The following ST7 variants were observed in gnomAD, a reference collection of about 807,000 sequenced individuals.
ST7 encodes the protein suppressor of tumorigenicity 7 protein.
In ST7, 28 loss-of-function variants were observed where a neutral mutation model predicts 78.7. The ratio of observed to expected loss-of-function variants is 0.36; its 90% CI spans 0.26 to 0.49. ST7 has a LOEUF of 0.49. ST7 is among the 20% of genes least tolerant of loss of function. The pLI, the probability that ST7 is intolerant of heterozygous loss-of-function variation, is 0.99. For synonymous variants in ST7, 247 were observed against 249.6 expected (o/e 0.99, Z 0.10); for missense variants, 418 against 696.0 (o/e 0.60, Z 4.49).
At chr7:116,987,631 A>G (rs1446246550) in intron 1 of ST7, among the ~76,000 whole-genome samples, 1 of 152,198 alleles carries the variant, frequency 6.6e-6, no homozygotes, top group Non-Finnish European at 1.5e-5. Flanking sequence ...TGGCTTAGAT[A>G]CCTCAAAGGA....
chr7:116,971,236 A>G (rs563503018), intron 1 of ST7, among the ~76,000 whole-genome samples: 106 of 152,348 alleles, frequency 7.0e-4, no homozygotes, highest in Non-Finnish European at 1.3e-3. Context: ...TTTGTACATA[A>G]GCTATTCAAG....
intron 12 of ST7, chr7:117,198,350 A>G: frequency 2.2e-6 from 1 of 456,306 alleles, no homozygotes; most frequent in Non-Finnish European, 4.4e-6. Context: ...GCCTAGAAAC[A>G]TGCATTAACA....
At chr7:117,089,574 G>GTTTT (rs1363196802) in intron 1 of ST7, among the ~76,000 whole-genome samples, 2 of 136,730 alleles carry the variant, frequency 1.5e-5, no homozygotes, top group Non-Finnish European at 1.6e-5. Context: ...TTGTTTTTTT[G>GTTTT]TTTTTTTTTT....
intron 12 of ST7, among the ~76,000 whole-genome samples, chr7:117,208,785 C>T (rs1052649193): frequency 2.0e-5 from 3 of 152,164 alleles, no homozygotes; most frequent in Non-Finnish European, 2.9e-5. Flanking sequence ...CCTTTTTAAG[C>T]GCTTGATCTT....
intron 3 of ST7, among the ~76,000 whole-genome samples, chr7:117,127,991 ATGTATT>A (rs1803999393): frequency 6.6e-6 from 1 of 151,876 alleles, no homozygotes; most frequent in Admixed American, 6.6e-5. Context: ...TAGTATGATG[ATGTATT>A]TGTTGGAGAC....
chr7:117,042,013 G>T lies in ST7; in HGVS notation c.152-57749G>T, dbSNP rs541412726. Among the ~76,000 whole-genome samples the T allele has an allele frequency of 3.3e-5, 5 of 152,326 alleles. No homozygotes were observed. The South Asian group carries it at 1.0e-3, about 32-fold the overall frequency. On this transcript the variant is annotated intron_variant, in intron 1 of 15. Transcript: ENST00000323984. ...CCTTTGCTGGGTTTGAAGATGGAGA[G>T]AGAGGGCCACAAGCCAAGGAATGTG...
intron 3 of ST7, among the ~76,000 whole-genome samples, chr7:117,126,518 T>C (rs1048776727): frequency 6.6e-6 from 1 of 151,956 alleles, no homozygotes; most frequent in Non-Finnish European, 1.5e-5. Flanking sequence ...CAAGGCTAAA[T>C]GTTCCTCTAA....
intron 1 of ST7, among the ~76,000 whole-genome samples, chr7:116,990,642 C>G (rs1240143124): frequency 6.6e-6 from 1 of 152,164 alleles, no homozygotes; most frequent in Non-Finnish European, 1.5e-5. Context: ...TACCCATACT[C>G]TTTTCAGGTT....
chr7:116,996,791 G>A (rs1007589441), intron 1 of ST7, among the ~76,000 whole-genome samples: 1 of 152,160 alleles, frequency 6.6e-6, no homozygotes, highest in Non-Finnish European at 1.5e-5. Context: ...ACACTTTCTA[G>A]TATACAACTG....
intron 9 of ST7, among the ~76,000 whole-genome samples, chr7:117,142,098 A>G (rs1182712458): frequency 1.3e-5 from 2 of 152,154 alleles, no homozygotes; most frequent in African/African-American, 4.8e-5. Context: ...AACATTTAAT[A>G]TACGATACAA....
At chr7:117,100,985 CAT>C (rs1249944822) in intron 2 of ST7, among the ~76,000 whole-genome samples, 2 of 152,180 alleles carry the variant, frequency 1.3e-5, no homozygotes, top group Admixed American at 6.5e-5. Context: ...AGGGTGCAAA[CAT>C]GTGGAGCAAA....
In ST7 at chr7:117,084,811, T is replaced by C. The variant is rs140496244; in HGVS notation, c.152-14951T>C. ...TTTCAACCATTACAAATTGTGATTA[T>C]ATAAAAGTTTTAAAAATTTCTCAGG... On this transcript the variant is annotated intron_variant, in intron 1 of 15. Coordinates refer to ENST00000323984, the MANE Select transcript of ST7 (RefSeq NM_001369598.1). Among the ~76,000 whole-genome samples the C allele has an allele frequency of 2.5e-4, 38 of 152,334 alleles. No homozygotes were observed. In the East Asian group the frequency reaches 4.8e-3, roughly 19 times the overall value.
intron 10 of ST7, among the ~76,000 whole-genome samples, chr7:117,184,594 T>G (rs966641186): frequency 2.6e-5 from 4 of 152,040 alleles, no homozygotes; most frequent in African/African-American, 9.7e-5. Context: ...ACAGAACAGA[T>G]TAGTGATCAC....
In ST7 at chr7:117,206,449, A is replaced by C. The variant is rs13231027; in HGVS notation, c.1255-3338A>C. 3.8e-3 allele frequency among the ~76,000 whole-genome samples: 586 copies of C among 152,322 alleles called. 3 individuals are homozygous for C. Among genetic ancestry groups the C allele is most frequent in the Non-Finnish European group, 5.5e-3 (377 of 68,024 alleles). ...ATGATTTAGCAGAGGAACAAGATACACAATAACTAATATAAGGTGGCGTGT... is the reference window on the plus strand; with the variant it reads ...ATGATTTAGCAGAGGAACAAGATACCCAATAACTAATATAAGGTGGCGTGT... On this transcript the variant is annotated intron_variant, in intron 12 of 15. Coordinates refer to ENST00000323984, the MANE Select transcript of ST7 (RefSeq NM_001369598.1).
intron 1 of ST7, among the ~76,000 whole-genome samples, chr7:117,080,592 C>T (rs934123546): frequency 2.6e-5 from 4 of 151,976 alleles, no homozygotes; most frequent in African/African-American, 4.8e-5. Flanking sequence ...TAAATTCCCA[C>T]GTGTGTAGTG....
chr7:117,067,082 C>T (rs12706140), intron 1 of ST7, among the ~76,000 whole-genome samples: 19,496 of 151,968 alleles, frequency 0.13, 1,612 homozygotes, highest in South Asian at 0.23. Context: ...ATCAGTGCTC[C>T]GTTGCTATTA....
chr7:117,133,956 A>G (rs142430902), intron 6 of ST7, among the ~76,000 whole-genome samples, 168 bp from the exon 7 acceptor site: 30 of 151,484 alleles, frequency 2.0e-4, no homozygotes, highest in African/African-American at 7.3e-4. Flanking sequence ...CTCTTAAACC[A>G]TTTTTCCTTC....
At chr7:116,965,617 C>T (rs1793071157) in intron 1 of ST7, among the ~76,000 whole-genome samples, 1 of 152,050 alleles carries the variant, frequency 6.6e-6, no homozygotes, top group Non-Finnish European at 1.5e-5. Context: ...ATGTTTTGTA[C>T]ACTGTTTTTT....
chr7:116,961,875 T>C (rs1792851025), intron 1 of ST7, among the ~76,000 whole-genome samples: 1 of 151,934 alleles, frequency 6.6e-6, no homozygotes, highest in Non-Finnish European at 1.5e-5. Flanking sequence ...TATCAACCCG[T>C]CATCTAGGTT....
Sources: allele counts gnomAD v4.1 joint callset (sites outside exome capture counted in the v4.1 genomes callset), GRCh38; gene constraint gnomAD v4.1.1; transcripts MANE v1.5; gene names NCBI Gene and HGNC (gene_info 2026-07-23, HGNC 2026-07-21).